The following PARD3 variants were observed in gnomAD, a reference collection of about 807,000 sequenced individuals.
The protein encoded by PARD3 is par-3 family cell polarity regulator.
A neutral mutation model predicts 155.4 loss-of-function variants in PARD3; 75 were observed. The ratio of observed to expected loss-of-function variants is 0.48; its 90% CI spans 0.40 to 0.58. The LOEUF (loss-of-function observed/expected upper bound fraction) is 0.58. PARD3 is among the 20% of genes least tolerant of loss of function. PARD3 has a pLI of 0.00. For missense variants in PARD3, 1,642 were observed against 1,721.7 expected (o/e 0.95, Z 0.82); for synonymous variants, 576 against 610.5 (o/e 0.94, Z 0.83).
At chr10:34,161,361 A>T (rs1949272215) in intron 22 of PARD3, among the ~76,000 whole-genome samples, 1 of 152,088 alleles carries the variant, frequency 6.6e-6, no homozygotes, top group East Asian at 1.9e-4. Context: ...AGAATGGATT[A>T]ATTCAACTAT....
chr10:34,306,279 A>C lies in PARD3; in HGVS notation c.3065+10828T>G, dbSNP rs1227644963. ...CTGGGCGACAGAGCAAGAATGTCTC[A>C]AAAAAAAAAAATCAAAATTAATGTT... On this transcript the variant is annotated intron_variant, in intron 20 of 24. Coordinates refer to ENST00000374788, the MANE Select transcript of PARD3 (RefSeq NM_001184785.2). Among the ~76,000 whole-genome samples, 4 of 143,148 alleles carry C rather than the reference A, an allele frequency of 2.8e-5. No homozygotes were observed. In the East Asian group the frequency reaches 8.2e-4, roughly 29 times the overall value. 93.9% of individuals were successfully genotyped at this position (143,148 alleles called of 152,430 possible).
intron 21 of PARD3, among the ~76,000 whole-genome samples, chr10:34,272,405 G>A (rs530030993): frequency 1.1e-4 from 17 of 152,224 alleles, no homozygotes; most frequent in South Asian, 8.3e-4. Context: ...TGCAAGGCAC[G>A]TATCTGACAA....
At chr10:34,316,124 A>G (rs1318162143) in intron 20 of PARD3, among the ~76,000 whole-genome samples, 3 of 152,226 alleles carry the variant, frequency 2.0e-5, no homozygotes, top group African/African-American at 7.2e-5. Flanking sequence ...AATTTAAAAA[A>G]AAGTTTTTAA....
intron 22 of PARD3, among the ~76,000 whole-genome samples, chr10:34,164,195 A>G (rs919737897): frequency 4.6e-5 from 7 of 152,234 alleles, no homozygotes; most frequent in African/African-American, 1.7e-4. Context: ...TGGCCATAAA[A>G]AAAACCTGCT....
chr10:34,288,083 C>T (rs886454948), intron 20 of PARD3, among the ~76,000 whole-genome samples: 1 of 152,010 alleles, frequency 6.6e-6, no homozygotes, highest in Non-Finnish European at 1.5e-5. Flanking sequence ...TGGTGGTACA[C>T]ACCTGTAGTC....
intron 7 of PARD3, among the ~76,000 whole-genome samples, chr10:34,388,118 G>A (rs921910113): frequency 6.6e-6 from 1 of 152,160 alleles, no homozygotes; most frequent in Admixed American, 6.5e-5. Context: ...GAAGACTGCA[G>A]AAGAGAAAGA....
intron 15 of PARD3, chr10:34,343,244 C>G: frequency 1.3e-6 from 1 of 759,506 alleles, no homozygotes; most frequent in Non-Finnish European, 1.6e-6. Context: ...AATACTCACA[C>G]GGGCATAATT....
At chr10:34,362,669 T>C (rs1465076117) in intron 12 of PARD3, among the ~76,000 whole-genome samples, 2 of 152,158 alleles carry the variant, frequency 1.3e-5, no homozygotes, top group Non-Finnish European at 2.9e-5. Context: ...CAAATTTTTG[T>C]ATTTCTTTAG....
intron 3 of PARD3, among the ~76,000 whole-genome samples, chr10:34,514,646 G>A (rs2081599530): frequency 6.6e-6 from 1 of 152,156 alleles, no homozygotes; most frequent in African/African-American, 2.4e-5. Flanking sequence ...ACTGGTGGCT[G>A]CAAGACAACA....
At chr10:34,116,003 G>A (rs1051303462) in intron 24 of PARD3, among the ~76,000 whole-genome samples, 7 of 152,036 alleles carry the variant, frequency 4.6e-5, no homozygotes, top group Non-Finnish European at 7.4e-5. Context: ...AAGCCACCAC[G>A]CCCAGCCTAT....
chr10:34,654,758 GC>G (rs1489320062), intron 2 of PARD3, among the ~76,000 whole-genome samples: 1 of 152,048 alleles, frequency 6.6e-6, no homozygotes, highest in Non-Finnish European at 1.5e-5. Flanking sequence ...CAGACACTCT[GC>G]CGTGATATGG....
At chr10:34,406,124 T>C (rs1589452799) in intron 5 of PARD3, among the ~76,000 whole-genome samples, 1 of 152,188 alleles carries the variant, frequency 6.6e-6, no homozygotes, top group African/African-American at 2.4e-5. Flanking sequence ...GCTAGCAGAC[T>C]AAAACTAGGA....
At chr10:34,665,573 C>T (rs1246041034) in intron 2 of PARD3, among the ~76,000 whole-genome samples, 1 of 151,906 alleles carries the variant, frequency 6.6e-6, no homozygotes. Context: ...TGGCACGGTG[C>T]TCACACCTGT....
At chr10:34,233,258 C>T (rs1953035445) in intron 22 of PARD3, among the ~76,000 whole-genome samples, 1 of 151,772 alleles carries the variant, frequency 6.6e-6, no homozygotes, top group Non-Finnish European at 1.5e-5. Context: ...TGGACTGCTG[C>T]CTCCTTCCTG....
intron 3 of PARD3, among the ~76,000 whole-genome samples, chr10:34,476,570 T>C (rs1028782912): frequency 1.3e-5 from 2 of 152,182 alleles, no homozygotes; most frequent in Non-Finnish European, 1.5e-5. Context: ...CAGTCACCTC[T>C]CTGGGCCTCC....
At chr10:34,141,946 G>C (rs1234834369) in intron 22 of PARD3, among the ~76,000 whole-genome samples, 1 of 152,190 alleles carries the variant, frequency 6.6e-6, no homozygotes, top group African/African-American at 2.4e-5. Context: ...CAGCACTAAA[G>C]TAACACTGCT....
chr10:34,507,548 C>CAAAAAAAAAAAAAAAAAAAAAAAAAAA (rs374421524), intron 3 of PARD3, among the ~76,000 whole-genome samples: 6 of 42,986 alleles, frequency 1.4e-4, no homozygotes, highest in African/African-American at 6.7e-4. Flanking sequence ...ATTAAAAAAA[C>CAAAAAAAAAAAAAAAAAAAAAAAAAAA]AAAAAAAAAA....
At chr10:34,606,156 ATGTGTGTGTGTGTGTGTGTGTGTGTG>A (rs59792013) in intron 2 of PARD3, among the ~76,000 whole-genome samples, 39,654 of 126,556 alleles carry the variant, frequency 0.31, 6,156 homozygotes, top group South Asian at 0.45. Context: ...ATAAAGGGAA[ATGTGTGTGTGTGTGTGTGTGTGTGTG>A]TGTGTGTGTG....
At chr10:34,784,625 CA>C (rs1840708723) in intron 1 of PARD3, among the ~76,000 whole-genome samples, 1 of 152,162 alleles carries the variant, frequency 6.6e-6, no homozygotes, top group Admixed American at 6.6e-5. Flanking sequence ...TTAGTAGAGA[CA>C]GGGTTTTGCC....
Sources: allele counts gnomAD v4.1 joint callset (sites outside exome capture counted in the v4.1 genomes callset), GRCh38; gene constraint gnomAD v4.1.1; transcripts MANE v1.5; gene names NCBI Gene and HGNC (gene_info 2026-07-23, HGNC 2026-07-21).